Variants in KMT2C observed in about 807,000 individuals in gnomAD.
KMT2C encodes the protein histone-lysine N-methyltransferase 2C.
KMT2C carries 88 observed loss-of-function variants against 507.9 expected under a neutral mutation model. The observed-to-expected ratio is 0.17, with a 90% CI of 0.15 to 0.21. The LOEUF (loss-of-function observed/expected upper bound fraction) is 0.21, where lower values mean the gene tolerates loss of function less well. KMT2C is among the 10% of genes least tolerant of loss of function. The pLI is 1.00. For missense variants in KMT2C, 4,954 were observed against 5,957.8 expected (o/e 0.83, Z 5.55); for synonymous variants, 2,049 against 2,080.8 (o/e 0.98, Z 0.42).
chr7:152,209,909 ACCCAAGCAACAAGAGAT>A (rs2094413880), intron 23 of KMT2C, among the ~76,000 whole-genome samples: 1 of 152,100 alleles, frequency 6.6e-6, no homozygotes, highest in Non-Finnish European at 1.5e-5. Flanking sequence ...GTGGGAGAAA[ACCCAAGCAACAAGAGAT>A]TTAATTATCT....
intron 10 of KMT2C, 124 bp from the exon 11 acceptor site, chr7:152,252,214 G>A (rs1444447208): frequency 4.3e-6 from 3 of 693,100 alleles, no homozygotes; most frequent in Non-Finnish European, 6.9e-6. Flanking sequence ...AGAGAGGTTA[G>A]AGGAGTTGCT....
intron 6 of KMT2C, among the ~76,000 whole-genome samples, chr7:152,303,849 G>A (rs201993255): frequency 6.9e-4 from 105 of 152,246 alleles, no homozygotes; most frequent in African/African-American, 2.4e-3. Context: ...TTAGCCAGGC[G>A]TGGTGGTCCA....
chr7:152,265,886 C>T (rs2095851039), intron 7 of KMT2C, among the ~76,000 whole-genome samples: 1 of 152,210 alleles, frequency 6.6e-6, no homozygotes, highest in Non-Finnish European at 1.5e-5. Flanking sequence ...TGGACATCAT[C>T]CATCCCTAAA....
At chr7:152,428,004 C>T (rs1047087164) in intron 1 of KMT2C, among the ~76,000 whole-genome samples, 6 of 152,208 alleles carry the variant, frequency 3.9e-5, no homozygotes, top group Non-Finnish European at 7.3e-5. Flanking sequence ...CAGGTAACTC[C>T]TGTCTCCATA....
intron 3 of KMT2C, among the ~76,000 whole-genome samples, chr7:152,315,807 C>T (rs574158728): frequency 6.6e-6 from 1 of 152,234 alleles, no homozygotes; most frequent in East Asian, 1.9e-4. Context: ...ATCCCAGCTA[C>T]TCGGGTGGCT....
rs2093024965 is a variant in KMT2C at position 152,172,781 on chromosome 7, C to T, written c.9374+1350G>A. ...AAACTACAATATTATTAGCAAGTAC[C>T]ACAACTATCACCAATAGAAGACAGA... On this transcript the variant is annotated intron_variant, in intron 39 of 58. Transcript: ENST00000262189. 4.6e-5 allele frequency among the ~76,000 whole-genome samples: 7 copies of T among 152,066 alleles called. No homozygotes were observed. In the South Asian group the frequency reaches 1.5e-3, roughly 32 times the overall value.
intron 1 of KMT2C, among the ~76,000 whole-genome samples, chr7:152,409,258 C>A (rs1195337555): frequency 6.6e-6 from 1 of 152,056 alleles, no homozygotes; most frequent in Non-Finnish European, 1.5e-5. Context: ...CCACCTGCCT[C>A]AGCCTCCCAA....
At chr7:152,243,817 G>T (rs527963478) in intron 14 of KMT2C, among the ~76,000 whole-genome samples, 21 of 152,026 alleles carry the variant, frequency 1.4e-4, no homozygotes, top group Admixed American at 5.9e-4. Context: ...ATAAAATAAA[G>T]AAATGTCTAC....
intron 6 of KMT2C, among the ~76,000 whole-genome samples, chr7:152,293,708 A>G (rs2096458407): frequency 6.6e-6 from 1 of 152,220 alleles, no homozygotes; most frequent in African/African-American, 2.4e-5. Context: ...AATTAAATTG[A>G]GACATCTTCA....
chr7:152,429,778 C>A (rs2097850124), intron 1 of KMT2C, among the ~76,000 whole-genome samples: 2 of 151,908 alleles, frequency 1.3e-5, no homozygotes, highest in African/African-American at 4.8e-5. Context: ...CTCAGCCTCC[C>A]AAAGTGCTGG....
intron 6 of KMT2C, among the ~76,000 whole-genome samples, chr7:152,285,069 T>C (rs950506456): frequency 3.9e-4 from 60 of 152,286 alleles, no homozygotes; most frequent in Admixed American, 6.5e-4. Flanking sequence ...CCAAGAAACA[T>C]GAAAAGATAC....
intron 1 of KMT2C, among the ~76,000 whole-genome samples, chr7:152,397,521 T>C (rs1383311174): frequency 1.3e-5 from 2 of 152,152 alleles, no homozygotes; most frequent in African/African-American, 4.8e-5. Flanking sequence ...GCCTCTCAAA[T>C]ATGGTCTCCT....
intron 6 of KMT2C, among the ~76,000 whole-genome samples, chr7:152,298,751 A>G (rs2096538213): frequency 6.6e-6 from 1 of 152,226 alleles, no homozygotes; most frequent in African/African-American, 2.4e-5. Context: ...TAAATTTTTT[A>G]TTATTTAAAT....
At chr7:152,278,110 C>G (rs2096122063) in intron 6 of KMT2C, among the ~76,000 whole-genome samples, 1 of 151,988 alleles carries the variant, frequency 6.6e-6, no homozygotes, top group Non-Finnish European at 1.5e-5. Context: ...GTCATGGGGG[C>G]AAATCCCTCA....
intron 1 of KMT2C, among the ~76,000 whole-genome samples, chr7:152,418,510 A>C (rs983174341): frequency 1.3e-5 from 2 of 151,996 alleles, no homozygotes; most frequent in African/African-American, 4.8e-5. Flanking sequence ...GGCTCACTGC[A>C]ACCTCCACCT....
At chr7:152,200,299 T>C (rs2094095423) in intron 26 of KMT2C, among the ~76,000 whole-genome samples, 1 of 152,344 alleles carries the variant, frequency 6.6e-6, no homozygotes, top group Admixed American at 6.5e-5. Flanking sequence ...TCAACAGGCA[T>C]AGAACTATCC....
chr7:152,159,678 G>A (rs1184459030), intron 43 of KMT2C, among the ~76,000 whole-genome samples: 9 of 152,186 alleles, frequency 5.9e-5, no homozygotes, highest in Non-Finnish European at 1.3e-4. Context: ...AGAGAACGTA[G>A]ATGATAACAA....
At chr7:152,364,710 C>T (rs989005050) in intron 1 of KMT2C, among the ~76,000 whole-genome samples, 1 of 150,492 alleles carries the variant, frequency 6.6e-6, no homozygotes, top group African/African-American at 2.5e-5. Flanking sequence ...TCCCTAAAGA[C>T]ATAACAAAAA....
intron 1 of KMT2C, among the ~76,000 whole-genome samples, chr7:152,417,185 C>T (rs1314586983): frequency 6.6e-6 from 1 of 151,920 alleles, no homozygotes; most frequent in Non-Finnish European, 1.5e-5. Context: ...AAGTAATAGG[C>T]ACAGCTCACT....
Sources: allele counts gnomAD v4.1 joint callset (sites outside exome capture counted in the v4.1 genomes callset), GRCh38; gene constraint gnomAD v4.1.1; transcripts MANE v1.5; gene names NCBI Gene and HGNC (gene_info 2026-07-23, HGNC 2026-07-21).